The following CBX5 variants were observed in gnomAD, a reference collection of about 807,000 sequenced individuals.
The protein encoded by CBX5 is chromobox 5.
In CBX5, 7 loss-of-function variants were observed where a neutral mutation model predicts 20.7. That is an observed-to-expected ratio of 0.34 (90% CI 0.19 to 0.63). The LOEUF is 0.63. Ranked by LOEUF, CBX5 falls within the 30% of genes least tolerant of loss-of-function variation. The pLI is 0.75. For missense variants in CBX5, 110 were observed against 224.1 expected, an observed-to-expected ratio of 0.49 and a Z score of 3.25; for synonymous variants, 78 against 77.0, an observed-to-expected ratio of 1.01 and a Z score of -0.07.
At position 54,239,459 on chromosome 12, in the gene CBX5, A is replaced by G. The variant is rs1349199584; in HGVS notation, c.*2296T>C. On this transcript the variant is annotated 3_prime_UTR_variant, in exon 5 of 5. Coordinates refer to ENST00000209875, the MANE Select transcript of CBX5 (RefSeq NM_012117.3). The stretch of plus-strand genomic sequence containing the variant: ...ATAGGCTGTCATTTTCTGCAAATCA[A>G]GAGACCCATATCACCTCCTCAGGAG... 1.3e-5 allele frequency: 2 copies of G among 152,214 alleles called. No homozygotes were observed. The highest frequency in any genetic ancestry group is 2.4e-5 in the African/African-American group (1 of 41,448). 9.4% of individuals were successfully genotyped at this position (152,214 alleles called of 1,614,324 possible).
chr12:54,270,911 G>A (rs1182499682), intron 1 of CBX5, among the ~76,000 whole-genome samples: 3 of 152,150 alleles, frequency 2.0e-5, no homozygotes, highest in Non-Finnish European at 4.4e-5. Context: ...AAGGGTGGGT[G>A]GCTGAGCATG....
intron 4 of CBX5, among the ~76,000 whole-genome samples, chr12:54,242,766 CA>C (rs543449867): frequency 2.6e-3 from 399 of 150,810 alleles, no homozygotes; most frequent in African/African-American, 7.1e-3. Context: ...CCAAGTATAA[CA>C]AAAAAAAATC....
chr12:54,241,868 C>G lies in CBX5; in HGVS notation c.463G>C (p.Glu155Gln). ...ATTTGTGGACATTTCACATTAGCTT[C>G]TTTTGCAAGAACCAGGTCAGCTTCA... ...TDEADLVLAKEANVKCPQIVI... is the reference protein window; with the variant it reads ...TDEADLVLAKQANVKCPQIVI... Residue 155 changes from glutamate to glutamine, a missense_variant, in exon 5 of 5, where the codon GAA (glutamate) becomes CAA (glutamine). By Grantham distance (29) the Glu-to-Gln change is conservative. Around this residue, in one of 3 missense-constraint regions of CBX5, gnomAD observed 31 missense variants for 84.9 expected, o/e 0.37. Coordinates refer to ENST00000209875, the MANE Select transcript of CBX5 (RefSeq NM_012117.3). 6.2e-7 allele frequency: 1 copy of G among 1,613,788 alleles called. No homozygotes were observed. The highest frequency in any genetic ancestry group is 8.5e-7 in the Non-Finnish European group (1 of 1,179,982).
intron 1 of CBX5, among the ~76,000 whole-genome samples, chr12:54,261,436 AC>A (rs1943915486): frequency 6.6e-6 from 1 of 151,796 alleles, no homozygotes; most frequent in Admixed American, 6.6e-5. Context: ...AGCTGGGATT[AC>A]AGGCATGTGC....
chr12:54,257,041 G>A (rs1943868300), intron 2 of CBX5, among the ~76,000 whole-genome samples: 1 of 151,608 alleles, frequency 6.6e-6, no homozygotes, highest in Non-Finnish European at 1.5e-5. Context: ...TTTATTTTTA[G>A]TAGATGGAGT....
At chr12:54,273,931 A>G (rs1944035215) in intron 1 of CBX5, 1 of 152,240 alleles carries the variant, frequency 6.6e-6, no homozygotes, top group Admixed American at 6.5e-5. Context: ...TACTGATCCA[A>G]AAAGAATTGT....
rs563239465 is a variant in CBX5 at position 54,273,981 on chromosome 12, C to T, written c.-43+6027G>A. On this transcript the variant is annotated intron_variant, in intron 1 of 4. Transcript: ENST00000209875. ...AAAGAATGTCTAAAACCTTTAATCC[C>T]TCATTTCAAAGGGTAAATTGAGGCT... The T allele has an allele frequency of 4.6e-5, 7 of 152,274 alleles. No individual in the cohort carries two copies. In the East Asian group the frequency reaches 1.2e-3, roughly 25 times the overall value. 9.4% of individuals were successfully genotyped at this position (152,274 alleles called of 1,614,324 possible).
Position 54,240,292 on chromosome 12 carries a change from G to A in CBX5, c.*1463C>T, listed in dbSNP as rs1261285391. The A allele has an allele frequency of 4.6e-5, 7 of 152,144 alleles. No homozygotes were observed. 9.4% of individuals were successfully genotyped at this position (152,144 alleles called of 1,614,324 possible). Reference sequence around the variant, plus strand: ...TAGCAACACAAGAAGAAACCAAAACGAAGTATTTTGCTGAGTAAGAAGAAA... The same window carrying A: ...TAGCAACACAAGAAGAAACCAAAACAAAGTATTTTGCTGAGTAAGAAGAAA... On this transcript the variant is annotated 3_prime_UTR_variant, in exon 5 of 5. Coordinates refer to ENST00000209875, the MANE Select transcript of CBX5 (RefSeq NM_012117.3).
chr12:54,268,123 G>A (rs1943974731), intron 1 of CBX5, among the ~76,000 whole-genome samples: 1 of 152,086 alleles, frequency 6.6e-6, no homozygotes, highest in South Asian at 2.1e-4. Flanking sequence ...CAGCCTGGGC[G>A]ACAGAGCGAG....
chr12:54,256,790 C>T (rs1294941148), intron 2 of CBX5, among the ~76,000 whole-genome samples: 6 of 152,134 alleles, frequency 3.9e-5, no homozygotes, highest in Admixed American at 6.5e-5. Context: ...CGGTGGCTCA[C>T]GGCTGTAATC....
At chr12:54,268,787 A>C (rs937174158) in intron 1 of CBX5, among the ~76,000 whole-genome samples, 1 of 152,338 alleles carries the variant, frequency 6.6e-6, no homozygotes, top group African/African-American at 2.4e-5. Flanking sequence ...CAGGACAGGA[A>C]TAAGTACATG....
At chr12:54,249,909 C>T (rs1943776227) in intron 3 of CBX5, among the ~76,000 whole-genome samples, 1 of 151,960 alleles carries the variant, frequency 6.6e-6, no homozygotes, top group Admixed American at 6.6e-5. Context: ...ATATAAATGC[C>T]ACTGAACTGT....
chr12:54,249,058 A>G (rs1415119778), intron 3 of CBX5, among the ~76,000 whole-genome samples: 1 of 152,168 alleles, frequency 6.6e-6, no homozygotes, highest in African/African-American at 2.4e-5. Flanking sequence ...AAGCCAGATT[A>G]TTCAGACTGC....
chr12:54,248,380 C>T (rs1215016070), intron 3 of CBX5, among the ~76,000 whole-genome samples: 1 of 152,132 alleles, frequency 6.6e-6, no homozygotes, highest in African/African-American at 2.4e-5. Context: ...TTAGAGATGC[C>T]CAAATGAACT....
chr12:54,275,990 C>CA (rs55963261), intron 1 of CBX5, among the ~76,000 whole-genome samples: 926 of 90,616 alleles, frequency 0.01, 5 homozygotes, highest in East Asian at 0.035. Flanking sequence ...GACTCCATTC[C>CA]AAAAAAAAAA....
Position 54,280,103 on chromosome 12 carries a change from C to G in CBX5, c.-138G>C, listed in dbSNP as rs1471383615. The G allele has an allele frequency of 6.3e-6, 1 of 159,722 alleles. No homozygotes were observed. Among genetic ancestry groups the G allele is most frequent in the Non-Finnish European group, 1.4e-5 (1 of 71,840 alleles). 9.9% of individuals were successfully genotyped at this position (159,722 alleles called of 1,614,324 possible). On this transcript the variant is annotated 5_prime_UTR_variant, in exon 1 of 5. Coordinates refer to ENST00000209875, the MANE Select transcript of CBX5 (RefSeq NM_012117.3). ...ACCACCGCCGCCGCCTTCTGCGCAA[C>G]GCCAACCGCCCGCCAAAACGGATCC...
Position 54,257,666 on chromosome 12 carries a change from A to C in CBX5, c.-16T>G, listed in dbSNP as rs760222656. On this transcript the variant is annotated 5_prime_UTR_variant, in exon 2 of 5. Transcript: ENST00000209875. ...TCTTTCCCATGTCGCACACCGTTCC[A>C]CCTGAAAGACTAAGGCCACCAGGTC... 9.9e-6 allele frequency: 16 copies of C among 1,614,002 alleles called. No individual in the cohort carries two copies.
chr12:54,272,493 GA>G (rs1944019475), intron 1 of CBX5: 1 of 152,168 alleles, frequency 6.6e-6, no homozygotes, highest in Non-Finnish European at 1.5e-5. Flanking sequence ...ACTACTACTG[GA>G]AAGAAAATTC....
rs60901455 is a variant in CBX5, at chr12:54,234,178, C to CAAAAAAAAAAAAAAAA, written c.*7561_*7576dup. 2.5e-5 allele frequency: 1 copy of CAAAAAAAAAAAAAAAA among 40,318 alleles called. No homozygotes were observed. Among genetic ancestry groups the CAAAAAAAAAAAAAAAA allele is most frequent in the African/African-American group, 6.8e-5 (1 of 14,796 alleles). The allele number at this position is 40,318 out of a possible 1,614,324, so 2.5% of individuals were successfully genotyped here. On this transcript the variant is annotated 3_prime_UTR_variant, in exon 5 of 5. Transcript: ENST00000209875. ...TGGGCAAAAGAGCAAGTTTCCATCT[C>CAAAAAAAAAAAAAAAA]AAAAAAAAAAAAAAAAAAAAAAAAA...
Sources: gnomAD v4.1 joint callset for allele counts (sites outside exome capture counted in the v4.1 genomes callset) on GRCh38, gnomAD v4.1.1 for gene constraint, gnomAD v4.1.1 regional missense constraint, MANE v1.5 for transcripts, NCBI Gene and HGNC (gene_info 2026-07-23, HGNC 2026-07-21) for gene names.